CDR2L: variants seen among roughly 807,000 people sequenced by gnomAD.
CDR2L encodes the protein cerebellar degeneration-related protein 2-like.
Under a neutral mutation model 36.1 loss-of-function variants are expected in CDR2L, and 19 were observed. The observed-to-expected ratio is 0.53, with a 90% CI of 0.37 to 0.77. The LOEUF is 0.77. Among genes scored for constraint, CDR2L ranks in the 30% least tolerant of loss-of-function variants. The probability of loss-of-function intolerance (pLI) is 0.00; values close to 1 mark genes in which losing one functional copy is unlikely to be tolerated. For synonymous variants in CDR2L, 285 were observed against 280.4 expected (o/e 1.02, Z -0.16); for missense variants, 575 against 627.2 (o/e 0.92, Z 0.89).
At chr17:74,988,981 C>G (rs1598650382) in intron 1 of CDR2L, among the ~76,000 whole-genome samples, 2 of 151,926 alleles carry the variant, frequency 1.3e-5, no homozygotes, top group Middle Eastern at 6.8e-3. Context: ...GTTCTATCCT[C>G]TCCTCCCCTA....
intron 1 of CDR2L, among the ~76,000 whole-genome samples, chr17:74,999,087 A>G (rs1283789733): frequency 2.6e-5 from 4 of 152,158 alleles, no homozygotes; most frequent in South Asian, 2.1e-4. Flanking sequence ...GCCTGGGCAC[A>G]GCACTGACTC....
At chr17:74,988,218 G>A (rs924828152) in intron 1 of CDR2L, 96 bp downstream of exon 1, 21 of 859,900 alleles carry the variant, frequency 2.4e-5, no homozygotes, top group Non-Finnish European at 3.5e-5. Flanking sequence ...GGGAGGGGCT[G>A]GGCTGGACCG....
In CDR2L at chr17:75,002,283, GAGGCAGC is replaced by G; in HGVS notation, c.506+66_506+72del. The stretch of plus-strand genomic sequence containing the variant: ...GGATTGCCAGCCATGGGAGGAAGGA[GAGGCAGC>G]AGGCAGCAGGGTGCAGTTGGTGCAT... On this transcript the variant is annotated intron_variant, in intron 4 of 4. Transcript: ENST00000337231. The surrounding 1 kb of genome is among the most constrained non-coding windows in gnomAD (Gnocchi z 4.1). 6.6e-7 allele frequency: 1 copy of G among 1,516,860 alleles called. No individual in the cohort carries two copies. The highest frequency in any genetic ancestry group is 9.0e-7 in the Non-Finnish European group (1 of 1,115,742). 94.0% of individuals were successfully genotyped at this position (1,516,860 alleles called of 1,614,324 possible).
rs1021447063 is a variant in CDR2L, at chr17:74,988,036, G to T, written c.-8G>T. On this transcript the variant is annotated 5_prime_UTR_variant, in exon 1 of 5. Transcript: ENST00000337231. ...CCGCCGCAGCACCCGCCCGCCGCCC[G>T]CGGGGCCATGCGGAGAGCCGCCGGG... 10 of 1,514,850 alleles carry T rather than the reference G, an allele frequency of 6.6e-6. No individual in the cohort carries two copies. Among genetic ancestry groups the T allele is most frequent in the Non-Finnish European group, 6.2e-6 (7 of 1,132,998 alleles). The allele number at this position is 1,514,850 out of a possible 1,614,324, so 93.8% of individuals were successfully genotyped here.
Position 75,002,306 on chromosome 17 carries a change from G to C in CDR2L, c.506+78G>C. ...GAGAGGCAGCAGGCAGCAGGGTGCA[G>C]TTGGTGCATCATCCAGGCCATCAGA... On this transcript the variant is annotated intron_variant, in intron 4 of 4. Coordinates refer to ENST00000337231, the MANE Select transcript of CDR2L (RefSeq NM_014603.3). This position sits in a 1 kb window ranked among gnomAD's most constrained non-coding sequence, Gnocchi z 4.1. 7.6e-7 allele frequency: 1 copy of C among 1,313,416 alleles called. No homozygotes were observed. The highest frequency in any genetic ancestry group is 1.1e-6 in the Non-Finnish European group (1 of 946,444). The allele number at this position is 1,313,416 out of a possible 1,614,324, so 81.4% of individuals were successfully genotyped here. A position where few individuals can be genotyped will look rare whatever the true frequency, so the allele number is the denominator to read the frequency against.
Position 75,002,304 on chromosome 17 carries a change from C to T in CDR2L, c.506+76C>T. Reference sequence around the variant, plus strand: ...AGGAGAGGCAGCAGGCAGCAGGGTGCAGTTGGTGCATCATCCAGGCCATCA... The same window carrying T: ...AGGAGAGGCAGCAGGCAGCAGGGTGTAGTTGGTGCATCATCCAGGCCATCA... On this transcript the variant is annotated intron_variant, in intron 4 of 4. Transcript: ENST00000337231. The surrounding 1 kb of genome is among the most constrained non-coding windows in gnomAD (Gnocchi z 4.1). 3 of 1,315,384 alleles carry T rather than the reference C, an allele frequency of 2.3e-6. No individual in the cohort carries two copies. The highest frequency in any genetic ancestry group is 2.1e-6 in the Non-Finnish European group (2 of 947,658). The allele number at this position is 1,315,384 out of a possible 1,614,324, so 81.5% of individuals were successfully genotyped here.
chr17:74,999,579 T>A lies in CDR2L; in HGVS notation c.155T>A (p.Met52Lys). ...NKELEGSLQQ[M>K]YSTNEEQVQE... ...GAGCTGGAGGGGTCCCTGCAGCAGATGTACTCCACCAATGAGGAACAGGTG... is the reference window on the plus strand; with the variant it reads ...GAGCTGGAGGGGTCCCTGCAGCAGAAGTACTCCACCAATGAGGAACAGGTG... Residue 52 changes from methionine (M) to lysine (K), a missense_variant, in exon 2 of 5, where the codon ATG becomes AAG. Coordinates refer to ENST00000337231, the MANE Select transcript of CDR2L (RefSeq NM_014603.3). The A allele has an allele frequency of 6.3e-7, 1 of 1,586,226 alleles. No individual in the cohort carries two copies. The highest frequency in any genetic ancestry group is 8.6e-7 in the Non-Finnish European group (1 of 1,166,552).
At chr17:74,992,524 T>C (rs2039803163) in intron 1 of CDR2L, among the ~76,000 whole-genome samples, 2 of 152,066 alleles carry the variant, frequency 1.3e-5, no homozygotes, top group African/African-American at 4.8e-5. Flanking sequence ...CAGGCCTCTC[T>C]CCTCTGAGCC....
rs1031081459 is a variant in CDR2L at position 75,002,965 on chromosome 17, C to T, written c.507-218C>T. 3.3e-5 allele frequency among the ~76,000 whole-genome samples: 5 copies of T among 152,306 alleles called. 2 individuals are homozygous for T. The highest frequency in any genetic ancestry group is 1.9e-4 in the East Asian group (1 of 5,188). Reference sequence around the variant, plus strand: ...CCAAGCTCAGGAGAGAACCAGGCAACCTGACAGAGGCGGTCCGTAGTGGTC... The same window carrying T: ...CCAAGCTCAGGAGAGAACCAGGCAATCTGACAGAGGCGGTCCGTAGTGGTC... On this transcript the variant is annotated intron_variant, in intron 4 of 4. Transcript: ENST00000337231. This position sits in a 1 kb window ranked among gnomAD's most constrained non-coding sequence, Gnocchi z 4.1.
At chr17:74,992,742 C>T (rs2144857474) in intron 1 of CDR2L, among the ~76,000 whole-genome samples, 1 of 152,326 alleles carries the variant, frequency 6.6e-6, no homozygotes, top group South Asian at 2.1e-4. Flanking sequence ...TCTCTTTCTA[C>T]CTGTCCCTGA....
In CDR2L at chr17:74,994,494, C is replaced by T. The variant is rs548962406; in HGVS notation, c.80-5010C>T. On this transcript the variant is annotated intron_variant, in intron 1 of 4. Transcript: ENST00000337231. The stretch of plus-strand genomic sequence containing the variant: ...AATTGTATTTCTAGGAATTCTGTAT[C>T]TAGGCCTACCTTTTGTTCCAGGTAC... 2.6e-5 allele frequency among the ~76,000 whole-genome samples: 4 copies of T among 152,326 alleles called. No homozygotes were observed. The South Asian group carries it at 8.3e-4, about 32-fold the overall frequency.
rs1420219595 is a variant in CDR2L at position 74,988,026 on chromosome 17, C to T, written c.-18C>T. 2 of 1,505,454 alleles carry T rather than the reference C, an allele frequency of 1.3e-6. No individual in the cohort carries two copies. The highest frequency in any genetic ancestry group is 8.9e-7 in the Non-Finnish European group (1 of 1,127,322). The allele number at this position is 1,505,454 out of a possible 1,614,324, so 93.3% of individuals were successfully genotyped here. A position where few individuals can be genotyped will look rare whatever the true frequency, so the allele number is the denominator to read the frequency against. On this transcript the variant is annotated 5_prime_UTR_variant, in exon 1 of 5. Transcript: ENST00000337231. ...CTGAGCTGCGCCGCCGCAGCACCCG[C>T]CCGCCGCCCGCGGGGCCATGCGGAG... is the stretch of plus-strand genomic sequence containing the variant.
chr17:75,001,369 G>A lies in CDR2L; in HGVS notation c.221G>A (p.Arg74Gln), dbSNP rs371537062. 4.2e-4 allele frequency: 673 copies of A among 1,610,516 alleles called. 1 individual carries two copies. Among genetic ancestry groups the A allele is most frequent in the Non-Finnish European group, 5.4e-4 (642 of 1,178,700 alleles). ...CTAACCAAGCAGCTGGACACGCTGC[G>A]GCACGTGAACGAGCAGCACGCCAAA... ...EYLTKQLDTLRHVNEQHAKVY... is the reference protein window; with the variant it reads ...EYLTKQLDTLQHVNEQHAKVY... The change falls in exon 3 of 5, where the codon CGG (arginine) becomes CAG (glutamine). Residue 74 changes from arginine (R) to glutamine (Q), a missense_variant. Physicochemically the swap from Arg to Gln is conservative, Grantham distance 43. Transcript: ENST00000337231.
At chr17:74,998,180 G>A (rs1044425112) in intron 1 of CDR2L, among the ~76,000 whole-genome samples, 11 of 151,904 alleles carry the variant, frequency 7.2e-5, no homozygotes, top group Admixed American at 5.9e-4. Context: ...AGCCAAGATC[G>A]CGCCACTGCA....
chr17:74,994,454 A>G (rs1013535321), intron 1 of CDR2L, among the ~76,000 whole-genome samples: 4 of 152,188 alleles, frequency 2.6e-5, no homozygotes, highest in Non-Finnish European at 4.4e-5. Context: ...AAGAAGGCCT[A>G]CCTTTTGTCC....
intron 1 of CDR2L, among the ~76,000 whole-genome samples, chr17:74,992,788 A>C (rs927197143): frequency 6.6e-6 from 1 of 152,150 alleles, no homozygotes; most frequent in African/African-American, 2.4e-5. Context: ...ACTGCCTTCA[A>C]AGGGCAACCT....
chr17:74,990,955 A>G (rs1434947113), intron 1 of CDR2L, among the ~76,000 whole-genome samples: 2 of 152,234 alleles, frequency 1.3e-5, no homozygotes, highest in African/African-American at 4.8e-5. Flanking sequence ...CCTCCTGCCC[A>G]AAGGGCAGGC....
rs2039878946 is a variant in CDR2L at position 75,003,283 on chromosome 17, C to T, written c.607C>T (p.Arg203Cys). Reference protein sequence around the residue: ...ERLQTLVGALRSQVSQERQRK... With the variant: ...ERLQTLVGALCSQVSQERQRK... ...GCTGCAGACCCTGGTGGGGGCGCTG[C>T]GCTCCCAGGTGAGCCAGGAGCGGCA... Residue 203 changes from arginine to cysteine, a missense_variant, in exon 5 of 5, where the codon CGC becomes TGC. Arg to Cys is a radical substitution (Grantham distance 180). Coordinates refer to ENST00000337231, the MANE Select transcript of CDR2L (RefSeq NM_014603.3). The T allele has an allele frequency of 6.4e-7, 1 of 1,556,136 alleles. No homozygotes were observed.
In CDR2L at chr17:75,004,593, C is replaced by T. The variant is rs75998946; in HGVS notation, c.*519C>T. 667 of 155,186 alleles carry T rather than the reference C, an allele frequency of 4.3e-3. 5 individuals are homozygous for T. Among genetic ancestry groups the T allele is most frequent in the East Asian group, 0.04 (207 of 5,192 alleles). 9.6% of individuals were successfully genotyped at this position (155,186 alleles called of 1,614,324 possible). On this transcript the variant is annotated 3_prime_UTR_variant, in exon 5 of 5. Transcript: ENST00000337231. The stretch of plus-strand genomic sequence containing the variant: ...CTTCTCCCCAACCCTGATGCGCTGA[C>T]ATTCCCTTAGCACCAGCTGTCCCAC...
Sources: gnomAD v4.1 joint callset for allele counts (sites outside exome capture counted in the v4.1 genomes callset) on GRCh38, gnomAD v4.1.1 for gene constraint, Gnocchi (gnomAD v3.1) non-coding constraint, MANE v1.5 for transcripts, NCBI Gene and HGNC (gene_info 2026-07-23, HGNC 2026-07-21) for gene names.